CHLSN: variants seen among roughly 807,000 people sequenced by gnomAD.
CHLSN encodes the protein protein cholesin.
the CHLSN span, among the ~76,000 whole-genome samples, chr7:1,009,001 GCACACACA>G: frequency 1.3e-5 from 2 of 149,396 alleles, no homozygotes; most frequent in Admixed American, 6.6e-5. Flanking sequence ...ACACATACAC[GCACACACA>G]CACACATACA....
the CHLSN span, among the ~76,000 whole-genome samples, chr7:1,001,966 T>C: frequency 1.2e-5 from 1 of 80,090 alleles, no homozygotes; most frequent in Non-Finnish European, 2.5e-5. Context: ...TGGAGTCCTG[T>C]GGGTGAGTGG....
At chr7:1,065,509 G>A in the CHLSN span, among the ~76,000 whole-genome samples, 3 of 152,244 alleles carry the variant, frequency 2.0e-5, no homozygotes, top group Non-Finnish European at 4.4e-5. Flanking sequence ...GGACAGGCGC[G>A]GCAACAGGGT....
At chr7:1,107,731 T>C in the CHLSN span, among the ~76,000 whole-genome samples, 1 of 152,164 alleles carries the variant, frequency 6.6e-6, no homozygotes, top group Non-Finnish European at 1.5e-5. Context: ...AAGACCTTCC[T>C]GCACTGGAGC....
chr7:1,070,917 CAG>C, the CHLSN span, among the ~76,000 whole-genome samples: 1 of 114,564 alleles, frequency 8.7e-6, no homozygotes, highest in African/African-American at 3.0e-5. Flanking sequence ...CGCACACACA[CAG>C]CACGCACAGA....
the CHLSN span, among the ~76,000 whole-genome samples, chr7:1,041,836 G>C: frequency 6.6e-6 from 1 of 151,270 alleles, no homozygotes; most frequent in Admixed American, 6.6e-5. Context: ...GACAGACCCA[G>C]GCCAGCTGGG....
chr7:1,019,050 C>T, the CHLSN span, among the ~76,000 whole-genome samples: 1 of 152,084 alleles, frequency 6.6e-6, no homozygotes, highest in African/African-American at 2.4e-5. Context: ...CAAAAATTAG[C>T]CGGGCATGGT....
At chr7:1,076,443 G>A in the CHLSN span, among the ~76,000 whole-genome samples, 1 of 152,216 alleles carries the variant, frequency 6.6e-6, no homozygotes, top group Non-Finnish European at 1.5e-5. Context: ...GGGCTCTGGG[G>A]AGGAGTTCCC....
chr7:1,136,878 T>G, the CHLSN span, among the ~76,000 whole-genome samples: 2 of 152,076 alleles, frequency 1.3e-5, no homozygotes, highest in African/African-American at 4.8e-5. Flanking sequence ...CCTCTCTTTC[T>G]CACATACTCG....
chr7:1,086,577 C>T, the CHLSN span, among the ~76,000 whole-genome samples: 2 of 152,318 alleles, frequency 1.3e-5, no homozygotes, highest in Non-Finnish European at 2.9e-5. Context: ...ATTGCTATTG[C>T]ACAGATGCCT....
At chr7:1,044,633 T>G in the CHLSN span, 2 of 151,612 alleles carry the variant, frequency 1.3e-5, no homozygotes, top group Non-Finnish European at 2.9e-5. Flanking sequence ...CGGCGGCGAC[T>G]GCGCCGGCCG....
chr7:1,094,626 GA>G, the CHLSN span, among the ~76,000 whole-genome samples: 14 of 151,872 alleles, frequency 9.2e-5, no homozygotes, highest in African/African-American at 3.1e-4. Flanking sequence ...GTGAGTCCAG[GA>G]AACTCTCTCC....
the CHLSN span, among the ~76,000 whole-genome samples, chr7:1,103,343 C>T: frequency 4.6e-5 from 7 of 152,242 alleles, no homozygotes; most frequent in South Asian, 4.1e-4. Context: ...AAAACCCTCG[C>T]GCAGGGAGGC....
chr7:1,110,409 G>A, the CHLSN span, among the ~76,000 whole-genome samples: 2 of 152,200 alleles, frequency 1.3e-5, no homozygotes, highest in East Asian at 1.9e-4. Context: ...CTCTCCCCGC[G>A]CCGGCACCTC....
chr7:997,649 T>TCGGATG, the CHLSN span: 28 of 1,608,500 alleles, frequency 1.7e-5, no homozygotes, highest in African/African-American at 2.7e-5. Flanking sequence ...GCAGCACCTG[T>TCGGATG]CGGATGCGCT....
At chr7:999,324 G>A in the CHLSN span, among the ~76,000 whole-genome samples, 23 of 152,338 alleles carry the variant, frequency 1.5e-4, no homozygotes, top group African/African-American at 5.5e-4. Flanking sequence ...AATCAGCTGC[G>A]CCGGGCGTGA....
the CHLSN span, chr7:1,028,463 G>T: frequency 2.8e-5 from 28 of 985,464 alleles, no homozygotes; most frequent in Non-Finnish European, 3.1e-5. Flanking sequence ...CGGCGCGGGG[G>T]TGGGAGAGCC....
chr7:1,131,357 A>G, the CHLSN span, among the ~76,000 whole-genome samples: 1 of 152,160 alleles, frequency 6.6e-6, no homozygotes, highest in South Asian at 2.1e-4. Flanking sequence ...GGGGAGGTCA[A>G]GACAGGCCTG....
the CHLSN span, chr7:1,093,448 G>A: frequency 2.2e-6 from 1 of 464,760 alleles, no homozygotes; most frequent in East Asian, 7.1e-5. Context: ...CTTCCAGGAT[G>A]GCAGCAATGG....
the CHLSN span, chr7:989,236 C>A: frequency 5.1e-6 from 1 of 197,222 alleles, no homozygotes; most frequent in Non-Finnish European, 1.0e-5. Flanking sequence ...GAGCCCTGCA[C>A]CCCCCAGGTC....
Sources: gnomAD v4.1 joint callset for allele counts (sites outside exome capture counted in the v4.1 genomes callset) on GRCh38, gnomAD v4.1.1 for gene constraint, MANE v1.5 for transcripts, NCBI Gene and HGNC (gene_info 2026-07-23, HGNC 2026-07-21) for gene names.